Variants in RELN observed in about 807,000 individuals in gnomAD.
The protein encoded by RELN is reelin.
Under a neutral mutation model 427.6 loss-of-function variants are expected in RELN, and 108 were observed. The observed-to-expected ratio is 0.25, with a 90% CI of 0.22 to 0.30. The LOEUF is 0.30. RELN is among the 10% of genes least tolerant of loss of function. The pLI is 1.00. For missense variants in RELN, 3,715 were observed against 4,302.8 expected (o/e 0.86, Z 3.82); for synonymous variants, 1,524 against 1,513.4 (o/e 1.01, Z -0.16).
intron 61 of RELN, 124 bp downstream of exon 61, chr7:103,486,073 A>G (rs1205916526): frequency 1.7e-5 from 15 of 875,886 alleles, no homozygotes; most frequent in Non-Finnish European, 2.5e-5. Context: ...AATTCAAATG[A>G]CAGGTTTTCA....
chr7:103,698,791 T>A (rs10240865), intron 9 of RELN, among the ~76,000 whole-genome samples: 30,469 of 152,052 alleles, frequency 0.2, 3,918 homozygotes, highest in African/African-American at 0.36. Flanking sequence ...TTGGGGCTGC[T>A]AGAGTGAGCC....
intron 1 of RELN, among the ~76,000 whole-genome samples, chr7:103,928,818 T>G (rs1795799764): frequency 7.7e-6 from 1 of 130,468 alleles, no homozygotes; most frequent in South Asian, 2.8e-4. Context: ...CAGGGGATTT[T>G]GGGTGAGCAC....
At chr7:103,926,813 T>G (rs1163387900) in intron 1 of RELN, among the ~76,000 whole-genome samples, 1 of 151,760 alleles carries the variant, frequency 6.6e-6, no homozygotes, top group Non-Finnish European at 1.5e-5. Flanking sequence ...TCCAGCTAAT[T>G]TTTTTTGTAT....
At chr7:103,891,880 T>A (rs865818774) in intron 2 of RELN, among the ~76,000 whole-genome samples, 2 of 152,160 alleles carry the variant, frequency 1.3e-5, no homozygotes, top group Non-Finnish European at 2.9e-5. Context: ...CTCTGGACAC[T>A]TTCTTTCCAG....
rs60259062 is a variant in RELN at position 103,926,627 on chromosome 7, G to GTTTTTTTTTTTTTTT, written c.227-9457_227-9443dup. On this transcript the variant is annotated intron_variant, in intron 1 of 64. Transcript: ENST00000428762. Reference sequence around the variant, plus strand: ...CGAACGCAGCTCTAAAGTATCATAAGTTTTTTTTTTTTTTTTTTTTTTTTT... The same window carrying GTTTTTTTTTTTTTTT: ...CGAACGCAGCTCTAAAGTATCATAAGTTTTTTTTTTTTTTTTTTTTTTTTTTTTTTTTTTTTTTTT... Among the ~76,000 whole-genome samples the GTTTTTTTTTTTTTTT allele has an allele frequency of 8.0e-5, 8 of 99,474 alleles. 2 individuals carry two copies. Among genetic ancestry groups the GTTTTTTTTTTTTTTT allele is most frequent in the African/African-American group, 2.5e-4 (7 of 28,180 alleles). 65.3% of individuals were successfully genotyped at this position (99,474 alleles called of 152,430 possible).
chr7:103,803,296 GATT>G (rs1477121640), intron 3 of RELN, among the ~76,000 whole-genome samples: 2 of 152,104 alleles, frequency 1.3e-5, no homozygotes, highest in African/African-American at 4.8e-5. Flanking sequence ...CAGTGATGAT[GATT>G]AAAACACCTT....
In RELN at chr7:103,540,191, A is replaced by T; in HGVS notation, c.6930+6T>A. ...AATTAAAATAGTTAATCCTGAAGGG[A>T]CTGACCTGATCGATAACCCAGGGGC... is the stretch of plus-strand genomic sequence containing the variant. On this transcript the variant is annotated splice_donor_region_variant and intron_variant, in intron 44 of 64. Transcript: ENST00000428762. 6.2e-7 allele frequency: 1 copy of T among 1,614,142 alleles called. No individual in the cohort carries two copies. The highest frequency in any genetic ancestry group is 8.5e-7 in the Non-Finnish European group (1 of 1,180,008).
chr7:103,589,274 AT>A (rs1273296292), intron 28 of RELN, among the ~76,000 whole-genome samples: 4 of 152,050 alleles, frequency 2.6e-5, no homozygotes, highest in African/African-American at 9.7e-5. Flanking sequence ...ACATTTATAC[AT>A]TTTGCTTTTT....
chr7:103,487,596 T>C (rs1395960097), intron 60 of RELN, among the ~76,000 whole-genome samples: 1 of 152,186 alleles, frequency 6.6e-6, no homozygotes, highest in East Asian at 1.9e-4. Context: ...CACGTAGTGC[T>C]CATGTCCGTA....
At chr7:103,534,733 C>G (rs66924688) in intron 46 of RELN, among the ~76,000 whole-genome samples, 21,545 of 152,018 alleles carry the variant, frequency 0.14, 2,163 homozygotes, top group East Asian at 0.42. Context: ...TCAAGTGATC[C>G]TTCCGTACCA....
In RELN at chr7:103,742,012, C is replaced by T. The variant is rs566802265; in HGVS notation, c.656+7414G>A. Among the ~76,000 whole-genome samples, 240 of 152,236 alleles carry T rather than the reference C, an allele frequency of 1.6e-3. 2 individuals carry two copies. Among genetic ancestry groups the T allele is most frequent in the African/African-American group, 5.5e-3 (230 of 41,532 alleles). ...ACCGAGGAGCCTAACTGGGAGGCAC[C>T]CCCCAGTAGGGGCGGACTGACACCG... On this transcript the variant is annotated intron_variant, in intron 6 of 64. Transcript: ENST00000428762.
intron 2 of RELN, among the ~76,000 whole-genome samples, chr7:103,911,675 T>C (rs1264961985): frequency 6.8e-6 from 1 of 147,326 alleles, no homozygotes; most frequent in Admixed American, 6.8e-5. Context: ...TATGCAGCCA[T>C]AAAAAATGAT....
chr7:103,704,783 C>G (rs1834165795), intron 8 of RELN, among the ~76,000 whole-genome samples: 1 of 152,106 alleles, frequency 6.6e-6, no homozygotes, highest in Non-Finnish European at 1.5e-5. Context: ...GGTTGGCTGT[C>G]CAGTGATTGC....
chr7:103,783,930 A>G (rs1286428042), intron 3 of RELN, among the ~76,000 whole-genome samples: 1 of 152,194 alleles, frequency 6.6e-6, no homozygotes, highest in Non-Finnish European at 1.5e-5. Flanking sequence ...ATTGAAATAA[A>G]GAGTAATCAT....
chr7:103,972,894 A>ATGTGTGTGTG (rs34930399), intron 1 of RELN, among the ~76,000 whole-genome samples: 39,756 of 149,052 alleles, frequency 0.27, 5,370 homozygotes, highest in Middle Eastern at 0.32. Context: ...GCATATGATT[A>ATGTGTGTGTG]TGTGTGTGTG....
intron 2 of RELN, among the ~76,000 whole-genome samples, chr7:103,885,600 CTTAGGGAGGGATACCA>C (rs879556486): frequency 6.6e-6 from 1 of 151,918 alleles, no homozygotes; most frequent in Non-Finnish European, 1.5e-5. Context: ...GGTTGGGGGA[CTTAGGGAGGGATACCA>C]TTAGGAGAAA....
intron 28 of RELN, among the ~76,000 whole-genome samples, chr7:103,578,642 A>G (rs1831057663): frequency 6.6e-6 from 1 of 152,300 alleles, no homozygotes; most frequent in Admixed American, 6.5e-5. Context: ...GATTGAACAC[A>G]ATTGATTTAG....
At chr7:103,835,852 T>A (rs1793387389) in intron 2 of RELN, among the ~76,000 whole-genome samples, 1 of 152,150 alleles carries the variant, frequency 6.6e-6, no homozygotes. Flanking sequence ...AGCAGTGGTC[T>A]CTCATAAATC....
At chr7:103,506,167 G>C (rs187090068) in intron 51 of RELN, among the ~76,000 whole-genome samples, 37 of 152,298 alleles carry the variant, frequency 2.4e-4, no homozygotes, top group African/African-American at 7.2e-4. Flanking sequence ...CACTCTTCAG[G>C]ATATTATCCA....
Sources: allele counts gnomAD v4.1 joint callset (sites outside exome capture counted in the v4.1 genomes callset), GRCh38; gene constraint gnomAD v4.1.1; transcripts MANE v1.5; gene names NCBI Gene and HGNC (gene_info 2026-07-23, HGNC 2026-07-21).